Variants in TRAPPC9 observed in about 807,000 individuals in gnomAD.
TRAPPC9 encodes the protein trafficking protein particle complex subunit 9.
Under a neutral mutation model 124.0 loss-of-function variants are expected in TRAPPC9, and 83 were observed. The ratio of observed to expected loss-of-function variants is 0.67; its 90% CI spans 0.56 to 0.80. The LOEUF is 0.80. Among genes scored for constraint, TRAPPC9 ranks in the 30% least tolerant of loss-of-function variants. TRAPPC9 has a pLI of 0.00. For missense variants in TRAPPC9, 1,302 were observed against 1,508.3 expected, an observed-to-expected ratio of 0.86 and a Z score of 2.27; for synonymous variants, 638 against 617.5, an observed-to-expected ratio of 1.03 and a Z score of -0.49.
intron 17 of TRAPPC9, among the ~76,000 whole-genome samples, chr8:140,050,318 T>C (rs1421182766): frequency 6.6e-6 from 1 of 152,200 alleles, no homozygotes; most frequent in African/African-American, 2.4e-5. Flanking sequence ...GCGCATTAGC[T>C]ACTCTCCAAC....
At chr8:139,775,794 A>G (rs1181075774) in intron 21 of TRAPPC9, among the ~76,000 whole-genome samples, 1 of 152,180 alleles carries the variant, frequency 6.6e-6, no homozygotes, top group African/African-American at 2.4e-5. Context: ...CTGCCTGGCC[A>G]TGGTCAAGAT....
At chr8:140,100,151 C>T (rs1267042983) in intron 17 of TRAPPC9, 1 of 149,916 alleles carries the variant, frequency 6.7e-6, no homozygotes, top group Non-Finnish European at 1.5e-5. Context: ...TGACGCCCAC[C>T]CGGGTCCTCC....
At chr8:140,398,936 G>C (rs1002878045) in intron 6 of TRAPPC9, among the ~76,000 whole-genome samples, 1 of 152,240 alleles carries the variant, frequency 6.6e-6, no homozygotes, top group Non-Finnish European at 1.5e-5. Flanking sequence ...GCCGGGCCCA[G>C]GGTCACCATG....
intron 17 of TRAPPC9, among the ~76,000 whole-genome samples, chr8:140,147,787 T>C (rs1230895283): frequency 6.6e-6 from 1 of 152,196 alleles, no homozygotes; most frequent in Non-Finnish European, 1.5e-5. Context: ...AGAGAGTTAA[T>C]TTACAGATGA....
intron 19 of TRAPPC9, among the ~76,000 whole-genome samples, chr8:139,943,365 C>T (rs558128902): frequency 1.3e-5 from 2 of 152,328 alleles, no homozygotes; most frequent in African/African-American, 4.8e-5. Context: ...CTGTGCCCAG[C>T]CGAGGTGGAG....
chr8:140,324,801 T>C (rs1267985303), intron 9 of TRAPPC9, among the ~76,000 whole-genome samples: 1 of 152,104 alleles, frequency 6.6e-6, no homozygotes, highest in African/African-American at 2.4e-5. Context: ...AAAAACTTTT[T>C]AAGTAAAAGA....
rs374990793 is a variant in TRAPPC9, at chr8:140,283,879, T to C, written c.2114+10A>G. ...GAGCCACTCTGCTCTGTGACCCTCG[T>C]GCACACTACCTGGGCAGAGAGGTGC... On this transcript the variant is annotated intron_variant, in intron 14 of 22. Coordinates refer to ENST00000438773, the MANE Select transcript of TRAPPC9 (RefSeq NM_001160372.4). The C allele has an allele frequency of 9.3e-6, 15 of 1,613,752 alleles. No homozygotes were observed. The highest frequency in any genetic ancestry group is 1.3e-5 in the African/African-American group (1 of 74,810).
intron 5 of TRAPPC9, among the ~76,000 whole-genome samples, chr8:140,416,215 C>G (rs2069923117): frequency 6.6e-6 from 1 of 152,172 alleles, no homozygotes; most frequent in East Asian, 1.9e-4. Context: ...ACATTACTAC[C>G]AACCTTACAT....
chr8:140,404,910 G>GTGTGTGTGTGTA (rs2069436242), intron 6 of TRAPPC9, among the ~76,000 whole-genome samples: 1 of 11,472 alleles, frequency 8.7e-5, no homozygotes, highest in South Asian at 8.3e-3. Context: ...GTGAGCATGC[G>GTGTGTGTGTGTA]TGTGTGTGTG....
chr8:140,336,311 G>C (rs891426922), intron 9 of TRAPPC9, among the ~76,000 whole-genome samples: 20 of 152,156 alleles, frequency 1.3e-4, no homozygotes, highest in Admixed American at 6.5e-5. Flanking sequence ...ACTGTGTATA[G>C]TCTGTGGCTG....
At chr8:139,790,653 G>A (rs756744870) in intron 21 of TRAPPC9, among the ~76,000 whole-genome samples, 7 of 152,302 alleles carry the variant, frequency 4.6e-5, no homozygotes, top group Non-Finnish European at 5.9e-5. Context: ...CATGGACGCC[G>A]CTGCACGTCT....
chr8:140,089,941 G>A (rs1473070688), intron 17 of TRAPPC9, among the ~76,000 whole-genome samples: 1 of 152,152 alleles, frequency 6.6e-6, no homozygotes, highest in Non-Finnish European at 1.5e-5. Context: ...GTAGCTGGGT[G>A]TGGCGGTGCA....
intron 21 of TRAPPC9, among the ~76,000 whole-genome samples, chr8:139,755,300 AT>A (rs1819634192): frequency 1.6e-5 from 2 of 126,908 alleles, no homozygotes; most frequent in South Asian, 2.7e-4. Context: ...GGAGCCAGGG[AT>A]TGGGGATGAG....
chr8:140,458,381 G>A (rs1228190462), upstream of TRAPPC9: 1 of 1,598,158 alleles, frequency 6.3e-7, no homozygotes, highest in East Asian at 2.3e-5. Context: ...CACCCCCTGT[G>A]ACCCTCACGG....
At chr8:140,078,055 A>G (rs926902609) in intron 17 of TRAPPC9, among the ~76,000 whole-genome samples, 6 of 152,222 alleles carry the variant, frequency 3.9e-5, no homozygotes, top group Non-Finnish European at 7.3e-5. Context: ...ACTGTCTTCA[A>G]AGCATGCAGT....
chr8:140,400,458 C>T (rs909687314), intron 6 of TRAPPC9, among the ~76,000 whole-genome samples: 9 of 152,316 alleles, frequency 5.9e-5, no homozygotes, highest in South Asian at 4.1e-4. Flanking sequence ...CTCACACCTG[C>T]GGCTGTAATG....
chr8:139,772,393 G>A lies in TRAPPC9; in HGVS notation c.3056-40191C>T, dbSNP rs1175040274. Among the ~76,000 whole-genome samples, 5 of 152,172 alleles carry A rather than the reference G, an allele frequency of 3.3e-5. No individual in the cohort carries two copies. The East Asian group carries it at 7.7e-4, about 23-fold the overall frequency. ...CCATTTTACAGATGAGGAGATGGGG[G>A]CTGGGGCCTCATCAGGGACTCATCT... On this transcript the variant is annotated intron_variant, in intron 21 of 22. Coordinates refer to ENST00000438773, the MANE Select transcript of TRAPPC9 (RefSeq NM_001160372.4).
At chr8:140,116,026 G>A (rs1391038316) in intron 17 of TRAPPC9, among the ~76,000 whole-genome samples, 1 of 152,194 alleles carries the variant, frequency 6.6e-6, no homozygotes. Context: ...GAGCATAAAA[G>A]GTGAGGAAGG....
intron 9 of TRAPPC9, among the ~76,000 whole-genome samples, chr8:140,320,899 G>T (rs1200908457): frequency 6.6e-6 from 1 of 152,160 alleles, no homozygotes; most frequent in Non-Finnish European, 1.5e-5. Flanking sequence ...CCACTGTCAT[G>T]AAAAGGTTAC....
Sources: gnomAD v4.1 joint callset for allele counts (sites outside exome capture counted in the v4.1 genomes callset) on GRCh38, gnomAD v4.1.1 for gene constraint, MANE v1.5 for transcripts, NCBI Gene and HGNC (gene_info 2026-07-23, HGNC 2026-07-21) for gene names.